OPHN1: variants seen among roughly 807,000 people sequenced by gnomAD.
The protein encoded by OPHN1 is oligophrenin 1.
Under a neutral mutation model 60.7 loss-of-function variants are expected in OPHN1, and 11 were observed. The ratio of observed to expected loss-of-function variants is 0.18; its 90% CI spans 0.11 to 0.30. OPHN1 has a LOEUF of 0.30. Ranked by LOEUF, OPHN1 falls within the 10% of genes least tolerant of loss-of-function variation. The pLI, the probability that OPHN1 is intolerant of heterozygous loss-of-function variation, is 1.00. For missense variants in OPHN1, 449 were observed against 611.0 expected (o/e 0.73, Z 2.80); for synonymous variants, 226 against 222.6 (o/e 1.02, Z -0.14).
intron 18 of OPHN1, among the ~76,000 whole-genome samples, chrX:68,101,253 T>A (rs1168714833): frequency 8.9e-6 from 1 of 112,432 alleles, no homozygotes; most frequent in Non-Finnish European, 1.9e-5. Context: ...GAAGACATTT[T>A]AAATAGAAAA....
chrX:68,229,199 T>C (rs2077713823), intron 6 of OPHN1, among the ~76,000 whole-genome samples: 2 of 111,039 alleles, frequency 1.8e-5, no homozygotes, highest in South Asian at 7.7e-4. Flanking sequence ...GCAATCCAAC[T>C]TACAAGGGAT....
chrX:68,246,949 T>C (rs2077808933), intron 5 of OPHN1, among the ~76,000 whole-genome samples: 1 of 111,614 alleles, frequency 9.0e-6, no homozygotes, highest in Non-Finnish European at 1.9e-5. Flanking sequence ...TAAAATTTAC[T>C]ACATTCCCCT....
chrX:68,125,956 T>TATATATATATAC (rs2077169399), intron 15 of OPHN1, among the ~76,000 whole-genome samples: 1 of 76,335 alleles, frequency 1.3e-5, no homozygotes, highest in South Asian at 7.7e-4. Context: ...TATATATATA[T>TATATATATATAC]ACATACACAC....
intron 2 of OPHN1, among the ~76,000 whole-genome samples, chrX:68,349,752 C>T (rs1406509256): frequency 9.0e-6 from 1 of 111,567 alleles, no homozygotes; most frequent in Non-Finnish European, 1.9e-5. Flanking sequence ...AGTTCATGTC[C>T]TTTGCAGGGA....
At chrX:68,225,103 C>T (rs997403618) in intron 6 of OPHN1, among the ~76,000 whole-genome samples, 1 of 112,139 alleles carries the variant, frequency 8.9e-6, no homozygotes, top group Non-Finnish European at 1.9e-5. Context: ...GGGTCCCAAG[C>T]TCACGGAGCC....
At chrX:68,312,668 G>A (rs2078179498) in intron 2 of OPHN1, among the ~76,000 whole-genome samples, 1 of 110,501 alleles carries the variant, frequency 9.0e-6, no homozygotes, top group African/African-American at 3.3e-5. Flanking sequence ...ATAAAAAATA[G>A]TCCCCAGATC....
intron 2 of OPHN1, among the ~76,000 whole-genome samples, chrX:68,343,727 A>G (rs2078366193): frequency 9.0e-6 from 1 of 111,570 alleles, no homozygotes; most frequent in African/African-American, 3.3e-5. Context: ...CAAACGATGG[A>G]CATGGAAGTC....
chrX:68,258,961 G>A (rs1234802627), intron 5 of OPHN1, among the ~76,000 whole-genome samples: 1 of 111,944 alleles, frequency 8.9e-6, no homozygotes, highest in Non-Finnish European at 1.9e-5. Context: ...GATGAGTGAT[G>A]ATATAAATTG....
chrX:68,351,991 C>T (rs1024043278), intron 2 of OPHN1, among the ~76,000 whole-genome samples: 1 of 107,423 alleles, frequency 9.3e-6, no homozygotes, highest in Non-Finnish European at 1.9e-5. Flanking sequence ...ATTCTCCTGC[C>T]TCAGCCTCCC....
chrX:68,127,119 G>A (rs1243375395), intron 15 of OPHN1, among the ~76,000 whole-genome samples: 2 of 111,227 alleles, frequency 1.8e-5, no homozygotes, highest in Non-Finnish European at 3.8e-5. Flanking sequence ...GAGGAGGGAA[G>A]ATGAAGAAGA....
At chrX:68,366,429 G>A (rs756076892) in intron 2 of OPHN1, among the ~76,000 whole-genome samples, 7 of 110,848 alleles carry the variant, frequency 6.3e-5, no homozygotes, top group Non-Finnish European at 1.3e-4. Flanking sequence ...CCCAGGCTCA[G>A]GCAATGTTCC....
intron 2 of OPHN1, chrX:68,336,503 G>A (rs1359648701): frequency 3.6e-5 from 4 of 110,864 alleles, no homozygotes; most frequent in East Asian, 5.6e-4. Context: ...TGCAGTAAGC[G>A]AAGATCACAC....
intron 2 of OPHN1, among the ~76,000 whole-genome samples, chrX:68,322,656 G>A (rs2078241144): frequency 9.0e-6 from 1 of 111,097 alleles, no homozygotes; most frequent in Admixed American, 9.7e-5. Flanking sequence ...GAGTGGTGGT[G>A]TGTGCGTGTA....
At chrX:68,409,725 TTTC>T (rs1258955310) in intron 2 of OPHN1, among the ~76,000 whole-genome samples, 1 of 112,231 alleles carries the variant, frequency 8.9e-6, no homozygotes, top group South Asian at 3.7e-4. Context: ...TGAATACACT[TTTC>T]TTTTTTAAGC....
Position 68,096,864 on chromosome X carries a change from G to A in OPHN1, c.1686+6C>T, listed in dbSNP as rs967522314. The A allele has an allele frequency of 1.7e-6, 2 of 1,206,843 alleles. No individual in the cohort carries two copies. Among genetic ancestry groups the A allele is most frequent in the South Asian group, 1.8e-5 (1 of 56,655 alleles). On this transcript the variant is annotated splice_donor_region_variant and intron_variant, in intron 19 of 24. Transcript: ENST00000355520. ...AAGACAGGTAGTGAGAATAGAAAAT[G>A]CATACCTTGCCAAAGTGCTCGATTA...
chrX:68,153,087 T>C (rs1018329779), intron 15 of OPHN1, among the ~76,000 whole-genome samples: 4 of 107,641 alleles, frequency 3.7e-5, no homozygotes, highest in African/African-American at 1.4e-4. Flanking sequence ...GGCGGGTACC[T>C]GTAGTCCCAG....
intron 15 of OPHN1, among the ~76,000 whole-genome samples, chrX:68,129,805 TAAAAC>T (rs2077186624): frequency 8.9e-6 from 1 of 111,938 alleles, no homozygotes. Context: ...CTGAAGTTGA[TAAAAC>T]AGATCAAGTG....
intron 2 of OPHN1, among the ~76,000 whole-genome samples, chrX:68,315,919 T>C (rs2078197165): frequency 9.0e-6 from 1 of 111,018 alleles, no homozygotes; most frequent in Non-Finnish European, 1.9e-5. Flanking sequence ...GACAGAAATA[T>C]ATGCAAAGAC....
chrX:68,247,969 T>TG lies in OPHN1; in HGVS notation c.385-13382_385-13381insC, dbSNP rs1406781070. On this transcript the variant is annotated intron_variant, in intron 5 of 24. Coordinates refer to ENST00000355520, the MANE Select transcript of OPHN1 (RefSeq NM_002547.3). ...TAGAAGGCTCCACCGATTGTCCCCC[T>TG]CCACTGCAGTGACACCAAGTTAACA... is the stretch of plus-strand genomic sequence containing the variant. Among the ~76,000 whole-genome samples, 3 of 111,166 alleles carry TG rather than the reference T, an allele frequency of 2.7e-5. No homozygotes were observed. The East Asian group carries it at 8.4e-4, about 31-fold the overall frequency.
Sources: gnomAD v4.1 joint callset for allele counts (sites outside exome capture counted in the v4.1 genomes callset) on GRCh38, gnomAD v4.1.1 for gene constraint, MANE v1.5 for transcripts, NCBI Gene and HGNC (gene_info 2026-07-23, HGNC 2026-07-21) for gene names.